MAML3: variants seen among roughly 807,000 people sequenced by gnomAD.
MAML3 encodes mastermind-like protein 3.
A neutral mutation model predicts 101.9 loss-of-function variants in MAML3; 27 were observed. That is an observed-to-expected ratio of 0.27 (90% CI 0.20 to 0.37). The LOEUF (loss-of-function observed/expected upper bound fraction) is 0.37, where lower values mean the gene tolerates loss of function less well. Among genes scored for constraint, MAML3 ranks in the 10% least tolerant of loss-of-function variants. The pLI, the probability that MAML3 is intolerant of heterozygous loss-of-function variation, is 1.00. For synonymous variants in MAML3, 501 were observed against 555.9 expected (o/e 0.90, Z 1.39); for missense variants, 1,316 against 1,444.9 (o/e 0.91, Z 1.45).
chr4:139,751,776 T>C (rs1352860319), intron 2 of MAML3, among the ~76,000 whole-genome samples: 1 of 152,144 alleles, frequency 6.6e-6, no homozygotes, highest in African/African-American at 2.4e-5. Context: ...TCAGCCCAGG[T>C]CACAATTTTG....
intron 1 of MAML3, among the ~76,000 whole-genome samples, chr4:139,944,912 C>T (rs1050210056): frequency 2.7e-5 from 4 of 149,468 alleles, no homozygotes; most frequent in South Asian, 2.2e-4. Context: ...GGATCTAGAA[C>T]TGGAAATACC....
intron 1 of MAML3, among the ~76,000 whole-genome samples, chr4:140,037,766 C>A (rs543076591): frequency 2.0e-5 from 3 of 152,210 alleles, no homozygotes; most frequent in Non-Finnish European, 4.4e-5. Context: ...TGTATTTCAA[C>A]GCATGTTAAA....
rs753780876 is a variant in MAML3 at position 139,719,315 on chromosome 4, T to A, written c.*8A>T. On this transcript the variant is annotated 3_prime_UTR_variant, in exon 5 of 5. Transcript: ENST00000509479. ...CACTCGAGTTGTGGATCTTGGGGCCTCTCTTGATTAGGGGTTACCAAACAA... is the reference window on the plus strand; with the variant it reads ...CACTCGAGTTGTGGATCTTGGGGCCACTCTTGATTAGGGGTTACCAAACAA... 6.4e-7 allele frequency: 1 copy of A among 1,556,438 alleles called. No homozygotes were observed. The highest frequency in any genetic ancestry group is 1.2e-5 in the South Asian group (1 of 82,678).
At chr4:139,738,753 G>A (rs977693086) in intron 2 of MAML3, among the ~76,000 whole-genome samples, 6 of 151,900 alleles carry the variant, frequency 3.9e-5, no homozygotes, top group Non-Finnish European at 1.5e-5. Context: ...TAGAAAAAAA[G>A]TATACAGAAA....
At chr4:140,151,689 G>T (rs929500671) in intron 1 of MAML3, among the ~76,000 whole-genome samples, 13 of 68,692 alleles carry the variant, frequency 1.9e-4, no homozygotes, top group Non-Finnish European at 3.4e-4. Context: ...GCGGCGCGGT[G>T]CGGGGGGGGG....
At chr4:140,106,065 A>C (rs1257758302) in intron 1 of MAML3, among the ~76,000 whole-genome samples, 1 of 148,212 alleles carries the variant, frequency 6.7e-6, no homozygotes, top group African/African-American at 2.5e-5. Context: ...AAACGAAGGA[A>C]TCACTCGTCG....
chr4:140,016,892 C>T (rs939286194), intron 1 of MAML3, among the ~76,000 whole-genome samples: 1 of 152,072 alleles, frequency 6.6e-6, no homozygotes, highest in Non-Finnish European at 1.5e-5. Flanking sequence ...TCTTTGGGAG[C>T]TAGAGCTAGG....
chr4:139,975,319 T>A (rs1734308696), intron 1 of MAML3, among the ~76,000 whole-genome samples: 1 of 152,182 alleles, frequency 6.6e-6, no homozygotes, highest in Non-Finnish European at 1.5e-5. Flanking sequence ...GGTATCTCCA[T>A]GTTTGGCTAC....
intron 1 of MAML3, among the ~76,000 whole-genome samples, chr4:140,125,829 A>G (rs894873403): frequency 2.5e-4 from 38 of 152,164 alleles, no homozygotes; most frequent in African/African-American, 9.2e-4. Flanking sequence ...CCCAGGCTGG[A>G]GTACAGCGGT....
intron 1 of MAML3, among the ~76,000 whole-genome samples, chr4:139,916,279 T>A (rs1193980953): frequency 6.6e-6 from 1 of 152,222 alleles, no homozygotes; most frequent in Non-Finnish European, 1.5e-5. Flanking sequence ...CCCTCCATGA[T>A]TGGCTGGCAT....
In MAML3 at chr4:139,788,850, A is replaced by G. The variant is rs532382576; in HGVS notation, c.2080-58183T>C. Among the ~76,000 whole-genome samples, 60 of 152,310 alleles carry G rather than the reference A, an allele frequency of 3.9e-4. 1 individual carries two copies. Among genetic ancestry groups the G allele is most frequent in the South Asian group, 2.7e-3 (13 of 4,828 alleles). ...GAGGGTCACAACCTAGGGATGGCAG[A>G]GTGGAGAGTGGGCTTGAGTTCTTGA... On this transcript the variant is annotated intron_variant, in intron 2 of 4. Coordinates refer to ENST00000509479, the MANE Select transcript of MAML3 (RefSeq NM_018717.5).
At chr4:139,971,454 G>A (rs554184824) in intron 1 of MAML3, among the ~76,000 whole-genome samples, 1 of 152,298 alleles carries the variant, frequency 6.6e-6, no homozygotes, top group South Asian at 2.1e-4. Flanking sequence ...GAACCTTAGA[G>A]AATAAACCCT....
At chr4:139,806,006 T>A (rs1444889296) in intron 2 of MAML3, among the ~76,000 whole-genome samples, 1 of 152,162 alleles carries the variant, frequency 6.6e-6, no homozygotes, top group Non-Finnish European at 1.5e-5. Context: ...ACCTTGCAAC[T>A]ATACCAAAAT....
At chr4:139,771,485 A>G (rs1729979520) in intron 2 of MAML3, among the ~76,000 whole-genome samples, 1 of 152,202 alleles carries the variant, frequency 6.6e-6, no homozygotes. Flanking sequence ...AAGCTCCTAT[A>G]CTTTTCTCTC....
intron 1 of MAML3, among the ~76,000 whole-genome samples, chr4:140,080,931 C>T (rs1170238868): frequency 6.6e-6 from 1 of 152,110 alleles, no homozygotes; most frequent in Non-Finnish European, 1.5e-5. Flanking sequence ...AAAATGGAAT[C>T]CATAGTTTTA....
chr4:139,753,536 C>A (rs556521930), intron 2 of MAML3, among the ~76,000 whole-genome samples: 115 of 152,182 alleles, frequency 7.6e-4, no homozygotes, highest in Non-Finnish European at 1.4e-3. Context: ...ATAAGCAGGC[C>A]TTTATAACCT....
chr4:140,054,048 T>A lies in MAML3; in HGVS notation c.468+98812A>T, dbSNP rs143084047. On this transcript the variant is annotated intron_variant, in intron 1 of 4. Coordinates refer to ENST00000509479, the MANE Select transcript of MAML3 (RefSeq NM_018717.5). ...ATTAAGACATGTCTGTATTTTATTA[T>A]AGACATATATTACTTTTATGTTCTG... Among the ~76,000 whole-genome samples the A allele has an allele frequency of 1.2e-3, 184 of 152,290 alleles. 1 individual carries two copies. The highest frequency in any genetic ancestry group is 4.3e-3 in the African/African-American group (177 of 41,582).
In MAML3 at chr4:139,829,020, AGGACGGAC is replaced by A. The variant is rs746746675; in HGVS notation, c.2079+60329_2079+60336del. ...AAGGAAGGAAGGAAGGAAGGAAGGAAGGACGGACGGACGGACTAAGGGAGGGAGGGAGG... is the reference window on the plus strand; with the variant it reads ...AAGGAAGGAAGGAAGGAAGGAAGGAAGGACGGACTAAGGGAGGGAGGGAGG... On this transcript the variant is annotated intron_variant, in intron 2 of 4. Coordinates refer to ENST00000509479, the MANE Select transcript of MAML3 (RefSeq NM_018717.5). 5.0e-3 allele frequency among the ~76,000 whole-genome samples: 600 copies of A among 121,050 alleles called. 7 individuals are homozygous for A. Among genetic ancestry groups the A allele is most frequent in the African/African-American group, 0.018 (472 of 26,178 alleles). The allele number at this position is 121,050 out of a possible 152,430, so 79.4% of individuals were successfully genotyped here.
At chr4:139,955,922 C>A (rs1166526017) in intron 1 of MAML3, among the ~76,000 whole-genome samples, 1 of 151,988 alleles carries the variant, frequency 6.6e-6, no homozygotes, top group East Asian at 1.9e-4. Flanking sequence ...GCACAGCCTC[C>A]CCACTCTTCC....
Sources: gnomAD v4.1 joint callset for allele counts (sites outside exome capture counted in the v4.1 genomes callset) on GRCh38, gnomAD v4.1.1 for gene constraint, MANE v1.5 for transcripts, NCBI Gene and HGNC (gene_info 2026-07-23, HGNC 2026-07-21) for gene names.